TFCP2: variants seen among roughly 807,000 people sequenced by gnomAD.
TFCP2 encodes transcription factor CP2.
A neutral mutation model predicts 73.4 loss-of-function variants in TFCP2; 33 were observed. That is an observed-to-expected ratio of 0.45 (90% CI 0.34 to 0.60). TFCP2 has a LOEUF of 0.60. TFCP2 is among the 20% of genes least tolerant of loss of function. The pLI, the probability that TFCP2 is intolerant of heterozygous loss-of-function variation, is 0.01. For missense variants in TFCP2, 352 were observed against 604.0 expected (o/e 0.58, Z 4.37); for synonymous variants, 193 against 211.6 (o/e 0.91, Z 0.76).
At chr12:51,132,442 C>G (rs1453750401) in intron 1 of TFCP2, among the ~76,000 whole-genome samples, 1 of 134,532 alleles carries the variant, frequency 7.4e-6, no homozygotes, top group Non-Finnish European at 1.5e-5. Context: ...CATCTCGGCT[C>G]ACTGGAACCT....
At chr12:51,151,736 A>G (rs1444821828) in intron 1 of TFCP2, among the ~76,000 whole-genome samples, 1 of 152,138 alleles carries the variant, frequency 6.6e-6, no homozygotes, top group African/African-American at 2.4e-5. Flanking sequence ...ACGCCCGGCC[A>G]ATACCTAATT....
At chr12:51,143,946 T>C (rs1566223471) in intron 1 of TFCP2, among the ~76,000 whole-genome samples, 1 of 152,210 alleles carries the variant, frequency 6.6e-6, no homozygotes, top group Non-Finnish European at 1.5e-5. Flanking sequence ...TGGATACATA[T>C]GCCGATGATG....
intron 13 of TFCP2, among the ~76,000 whole-genome samples, chr12:51,098,210 G>A (rs1236285084): frequency 6.6e-6 from 1 of 152,038 alleles, no homozygotes; most frequent in Non-Finnish European, 1.5e-5. Context: ...GAATAATGAT[G>A]TAACCATTTC....
At chr12:51,105,407 G>A (rs1016128848) in intron 8 of TFCP2, among the ~76,000 whole-genome samples, 4 of 152,026 alleles carry the variant, frequency 2.6e-5, no homozygotes, top group East Asian at 1.9e-4. Flanking sequence ...TTCTTTATAC[G>A]TTCTTTGTCT....
chr12:51,123,846 C>T lies in TFCP2; in HGVS notation c.123-5074G>A, dbSNP rs542527018. ...GTGAAATAAAAATTATAGGAGGCCA[C>T]TAAACTCCTATACTAGGCCCCAACA... On this transcript the variant is annotated intron_variant, in intron 1 of 14. Transcript: ENST00000257915. Among the ~76,000 whole-genome samples, 99 of 152,298 alleles carry T rather than the reference C, an allele frequency of 6.5e-4. No individual in the cohort carries two copies. The South Asian group carries it at 0.012, about 18-fold the overall frequency.
At chr12:51,126,232 C>CAAAAAAAAAAAAAAAAA (rs371407608) in intron 1 of TFCP2, among the ~76,000 whole-genome samples, 3 of 87,740 alleles carry the variant, frequency 3.4e-5, no homozygotes, top group Non-Finnish European at 6.4e-5. Context: ...GACTCTGTCT[C>CAAAAAAAAAAAAAAAAA]AAAAAAAAAA....
intron 7 of TFCP2, 123 bp downstream of exon 7, chr12:51,107,113 G>T: frequency 1.3e-6 from 1 of 794,052 alleles, no homozygotes; most frequent in Non-Finnish European, 2.1e-6. Flanking sequence ...GCTGGACACA[G>T]AATCCATGTG....
In TFCP2 at chr12:51,170,686, T is replaced by C. The variant is rs188645107; in HGVS notation, c.122+1615A>G. On this transcript the variant is annotated intron_variant, in intron 1 of 14. Transcript: ENST00000257915. ...GCTGAAGTATTAAATTCTCTCCCCC[T>C]TTTTTTTTTTGAGACGGAGTTTTAC... Among the ~76,000 whole-genome samples the C allele has an allele frequency of 8.2e-3, 1,194 of 145,316 alleles. 37 individuals are homozygous for C. Among genetic ancestry groups the C allele is most frequent in the Admixed American group, 0.058 (850 of 14,542 alleles).
intron 1 of TFCP2, among the ~76,000 whole-genome samples, chr12:51,142,541 C>G (rs902896952): frequency 6.6e-6 from 1 of 152,156 alleles, no homozygotes; most frequent in Non-Finnish European, 1.5e-5. Flanking sequence ...AGTTCCTCCT[C>G]CTGGGAAAGG....
chr12:51,134,213 C>G (rs1407190549), intron 1 of TFCP2, among the ~76,000 whole-genome samples: 1 of 152,184 alleles, frequency 6.6e-6, no homozygotes, highest in Non-Finnish European at 1.5e-5. Context: ...CCAGTACACA[C>G]ATACATATGT....
At chr12:51,156,578 A>T (rs988415171) in intron 1 of TFCP2, among the ~76,000 whole-genome samples, 3 of 152,202 alleles carry the variant, frequency 2.0e-5, no homozygotes, top group African/African-American at 7.2e-5. Flanking sequence ...TCACAGAATG[A>T]ATTAGTGAGT....
At chr12:51,132,438 G>A (rs868550731) in intron 1 of TFCP2, among the ~76,000 whole-genome samples, 2 of 131,472 alleles carry the variant, frequency 1.5e-5, no homozygotes, top group African/African-American at 2.8e-5. Flanking sequence ...GTGCCATCTC[G>A]GCTCACTGGA....
chr12:51,147,340 A>G (rs563914770), intron 1 of TFCP2, among the ~76,000 whole-genome samples: 1 of 152,096 alleles, frequency 6.6e-6, no homozygotes, highest in African/African-American at 2.4e-5. Flanking sequence ...ATCTCAAAAA[A>G]GAAAGAAAGA....
rs200120106 is a variant in TFCP2, at chr12:51,168,361, GAGCCACTACACTCC to G, written c.122+3926_122+3939del. On this transcript the variant is annotated intron_variant, in intron 1 of 14. Transcript: ENST00000257915. ...TTCGAGGCAGCAGTGAGCTGTGATT[GAGCCACTACACTCC>G]AGCCTTGGCGACAAAGCAAGACCTC... Among the ~76,000 whole-genome samples the G allele has an allele frequency of 9.4e-4, 143 of 151,762 alleles. 3 individuals carry two copies. In the East Asian group the frequency reaches 0.026, roughly 28 times the overall value.
At chr12:51,132,208 C>T (rs1416274194) in intron 1 of TFCP2, among the ~76,000 whole-genome samples, 3 of 152,134 alleles carry the variant, frequency 2.0e-5, no homozygotes, top group Non-Finnish European at 4.4e-5. Flanking sequence ...GGTAGCTAAT[C>T]TCCAAAGACG....
intron 1 of TFCP2, among the ~76,000 whole-genome samples, chr12:51,127,811 G>A (rs1940846429): frequency 6.6e-6 from 1 of 152,174 alleles, no homozygotes; most frequent in Admixed American, 6.5e-5. Context: ...AACTTGAAGA[G>A]TCTCTGCAGA....
intron 8 of TFCP2, 88 bp from the exon 9 acceptor site, chr12:51,104,291 G>A: frequency 5.1e-6 from 6 of 1,165,302 alleles, no homozygotes; most frequent in Non-Finnish European, 7.4e-6. Flanking sequence ...TAAATCTCAT[G>A]CTAGAGATTA....
rs962963396 is a variant in TFCP2, at chr12:51,139,226, C to T, written c.123-20454G>A. ...AGGTAAATCTAGAAATGTCCCTTCT[C>T]TGTTTATAAAGCTTCAGTGGTTTCC... is the stretch of plus-strand genomic sequence containing the variant. On this transcript the variant is annotated intron_variant, in intron 1 of 14. Coordinates refer to ENST00000257915, the MANE Select transcript of TFCP2 (RefSeq NM_005653.5). Among the ~76,000 whole-genome samples the T allele has an allele frequency of 3.3e-5, 5 of 152,258 alleles. No individual in the cohort carries two copies. In the South Asian group the frequency reaches 6.2e-4, roughly 19 times the overall value.
intron 1 of TFCP2, among the ~76,000 whole-genome samples, chr12:51,135,623 A>T (rs1192111082): frequency 6.6e-6 from 1 of 152,124 alleles, no homozygotes; most frequent in Non-Finnish European, 1.5e-5. Flanking sequence ...TCACCTGGGG[A>T]GCTTTAGGCC....
Sources: gnomAD v4.1 joint callset for allele counts (sites outside exome capture counted in the v4.1 genomes callset) on GRCh38, gnomAD v4.1.1 for gene constraint, MANE v1.5 for transcripts, NCBI Gene and HGNC (gene_info 2026-07-23, HGNC 2026-07-21) for gene names.